DSE: variants seen among roughly 807,000 people sequenced by gnomAD.
The protein encoded by DSE is dermatan-sulfate epimerase.
In DSE, 36 loss-of-function variants were observed where a neutral mutation model predicts 84.4. The ratio of observed to expected loss-of-function variants is 0.43; its 90% CI spans 0.33 to 0.56. The LOEUF is 0.56. DSE is among the 20% of genes least tolerant of loss of function. DSE has a pLI of 0.06. For synonymous variants in DSE, 410 were observed against 430.1 expected (o/e 0.95, Z 0.58); for missense variants, 862 against 1,169.6 (o/e 0.74, Z 3.84).
chr6:116,332,350 A>C (rs550030626), intron 2 of DSE, among the ~76,000 whole-genome samples: 1 of 151,172 alleles, frequency 6.6e-6, no homozygotes, highest in African/African-American at 2.4e-5. Context: ...ATCCAAAGAA[A>C]TTCAAATCAA....
intron 2 of DSE, chr6:116,401,144 A>G (rs1781567844): frequency 6.6e-6 from 1 of 152,200 alleles, no homozygotes; most frequent in African/African-American, 2.4e-5. Context: ...CAGTAACATG[A>G]GAATTGTACA....
chr6:116,262,352 G>A (rs1322483473), intron 2 of DSE, among the ~76,000 whole-genome samples: 2 of 152,120 alleles, frequency 1.3e-5, no homozygotes. Context: ...TTAGGAGGTT[G>A]TATGTATCCA....
At chr6:116,273,347 T>C (rs1772966398) in intron 2 of DSE, among the ~76,000 whole-genome samples, 1 of 152,214 alleles carries the variant, frequency 6.6e-6, no homozygotes, top group South Asian at 2.1e-4. Context: ...ACATTTTTCC[T>C]AATGTGGCTT....
At position 116,436,844 on chromosome 6, in the gene DSE, G is replaced by A. The variant is rs770529355; in HGVS notation, c.2376G>A (p.Arg792=). The change falls in exon 6 of 6, where the codon AGG becomes AGA. Residue 792 remains arginine, a synonymous_variant. Coordinates refer to ENST00000644252, the MANE Select transcript of DSE (RefSeq NM_013352.4). ...DKRQTEEAID[R]IFAISQQQQQ... is the part of the protein sequence containing the mutation. ...GACAGACTGAGGAGGCCATTGACAGGATTTTTGCCATATCACAGCAACAGC... is the reference window on the plus strand; with the variant it reads ...GACAGACTGAGGAGGCCATTGACAGAATTTTTGCCATATCACAGCAACAGC... 6 of 1,614,102 alleles carry A rather than the reference G, an allele frequency of 3.7e-6. No homozygotes were observed. In the East Asian group the frequency reaches 8.9e-5, roughly 24 times the overall value.
chr6:116,275,536 C>T (rs1230559418), intron 2 of DSE, among the ~76,000 whole-genome samples: 2 of 152,180 alleles, frequency 1.3e-5, no homozygotes, highest in Non-Finnish European at 2.9e-5. Context: ...TGCGGTGGCT[C>T]ACGCCTGTAA....
At chr6:116,388,192 C>G (rs1458123509) in intron 1 of DSE, among the ~76,000 whole-genome samples, 1 of 152,048 alleles carries the variant, frequency 6.6e-6, no homozygotes, top group Non-Finnish European at 1.5e-5. Context: ...TCTGGAGACC[C>G]AGGAAAACAG....
intron 2 of DSE, chr6:116,279,800 T>G (rs2114637293): frequency 6.2e-7 from 1 of 1,612,434 alleles, no homozygotes; most frequent in Non-Finnish European, 8.5e-7. Flanking sequence ...TGGAGGGGAG[T>G]GGTCCTCTTG....
At chr6:116,382,040 T>TGTGTGG (rs1336354554) in intron 1 of DSE, among the ~76,000 whole-genome samples, 1 of 85,810 alleles carries the variant, frequency 1.2e-5, no homozygotes, top group Non-Finnish European at 3.3e-5. Context: ...TGGCATTCTG[T>TGTGTGG]GTGTGTGTGT....
chr6:116,424,830 T>C (rs1783325256), intron 2 of DSE, among the ~76,000 whole-genome samples: 1 of 152,208 alleles, frequency 6.6e-6, no homozygotes, highest in African/African-American at 2.4e-5. Context: ...TAGCATAAAC[T>C]TCTAAAGGAA....
intron 2 of DSE, among the ~76,000 whole-genome samples, chr6:116,346,353 C>T (rs1480497934): frequency 6.5e-4 from 99 of 152,202 alleles, no homozygotes; most frequent in Non-Finnish European, 2.9e-4. Flanking sequence ...TGATGAACAT[C>T]GATGCAAAAA....
At chr6:116,321,171 T>C (rs1776283346) in intron 2 of DSE, among the ~76,000 whole-genome samples, 1 of 148,306 alleles carries the variant, frequency 6.7e-6, no homozygotes, top group Non-Finnish European at 1.5e-5. Context: ...TATTTACTTA[T>C]TTGTTTATTT....
intron 2 of DSE, among the ~76,000 whole-genome samples, chr6:116,319,436 A>C (rs112256130): frequency 1.3e-5 from 2 of 152,244 alleles, no homozygotes; most frequent in African/African-American, 4.8e-5. Flanking sequence ...ATAGGGAATG[A>C]GGAAATATGG....
rs150831194 is a variant in DSE at position 116,419,037 on chromosome 6, A to G, written c.417-7537A>G. ...CATTTTGCTTCACAATGCCAGTGCT[A>G]ACCTTTAGCCACCTGATCAAACACT... On this transcript the variant is annotated intron_variant, in intron 2 of 5. Coordinates refer to ENST00000644252, the MANE Select transcript of DSE (RefSeq NM_013352.4). Among the ~76,000 whole-genome samples, 7 of 152,270 alleles carry G rather than the reference A, an allele frequency of 4.6e-5. No individual in the cohort carries two copies. The East Asian group carries it at 1.4e-3, about 29-fold the overall frequency.
chr6:116,315,418 G>T (rs1191446904), intron 2 of DSE, among the ~76,000 whole-genome samples: 3 of 151,824 alleles, frequency 2.0e-5, no homozygotes, highest in African/African-American at 7.3e-5. Flanking sequence ...TGTCATAAGG[G>T]CAGGAATTTC....
At chr6:116,279,506 C>T in intron 2 of DSE, 2 of 1,610,220 alleles carry the variant, frequency 1.2e-6, no homozygotes, top group Non-Finnish European at 1.7e-6. Context: ...GAAGCGGCTG[C>T]CAGGCCTTCG....
At chr6:116,356,655 C>G (rs2640853) in intron 2 of DSE, among the ~76,000 whole-genome samples, 115,702 of 152,094 alleles carry the variant, frequency 0.76, 45,421 homozygotes, top group East Asian at 1. Context: ...TTGCGAATGA[C>G]GAAACAGGTA....
intron 2 of DSE, among the ~76,000 whole-genome samples, chr6:116,405,344 G>A (rs1781853422): frequency 6.6e-6 from 1 of 152,124 alleles, no homozygotes; most frequent in Admixed American, 6.6e-5. Context: ...AAAAAGATCA[G>A]GTTTTCTTCT....
chr6:116,265,035 G>GA (rs1244759326), intron 2 of DSE, among the ~76,000 whole-genome samples: 1 of 152,204 alleles, frequency 6.6e-6, no homozygotes, highest in African/African-American at 2.4e-5. Flanking sequence ...GCAACAGGGG[G>GA]ATCTGTCTTC....
chr6:116,310,353 C>T (rs1397985472), intron 2 of DSE, among the ~76,000 whole-genome samples: 1 of 151,846 alleles, frequency 6.6e-6, no homozygotes, highest in African/African-American at 2.4e-5. Context: ...CTGATAAATC[C>T]TGGGTAGGCA....
Sources: gnomAD v4.1 joint callset for allele counts (sites outside exome capture counted in the v4.1 genomes callset) on GRCh38, gnomAD v4.1.1 for gene constraint, MANE v1.5 for transcripts, NCBI Gene and HGNC (gene_info 2026-07-23, HGNC 2026-07-21) for gene names.